JAKMIP2: variants seen among roughly 807,000 people sequenced by gnomAD.
JAKMIP2 encodes janus kinase and microtubule interacting protein 2, also known as janus kinase and microtubule-interacting protein 2.
In JAKMIP2, 25 loss-of-function variants were observed where a neutral mutation model predicts 115.0. The observed-to-expected ratio is 0.22, with a 90% CI of 0.16 to 0.30. The LOEUF (loss-of-function observed/expected upper bound fraction) is 0.30, where lower values mean the gene tolerates loss of function less well. Ranked by LOEUF, JAKMIP2 falls within the 10% of genes least tolerant of loss-of-function variation. The pLI is 1.00. For synonymous variants in JAKMIP2, 334 were observed against 343.6 expected, an observed-to-expected ratio of 0.97 and a Z score of 0.31; for missense variants, 642 against 957.6, an observed-to-expected ratio of 0.67 and a Z score of 4.35.
intron 1 of JAKMIP2, among the ~76,000 whole-genome samples, chr5:147,678,782 T>G (rs976312299): frequency 8.6e-5 from 13 of 152,036 alleles, no homozygotes; most frequent in African/African-American, 3.1e-4. Flanking sequence ...TCTTATGTAC[T>G]TCATTTATGT....
chr5:147,667,642 G>A (rs1178638010), intron 2 of JAKMIP2, among the ~76,000 whole-genome samples: 1 of 152,218 alleles, frequency 6.6e-6, no homozygotes, highest in East Asian at 1.9e-4. Flanking sequence ...GAGAAGAGGT[G>A]TGAAGGAGTC....
chr5:147,639,002 G>A lies in JAKMIP2; in HGVS notation c.1530+630C>T, dbSNP rs115210705. Among the ~76,000 whole-genome samples the A allele has an allele frequency of 7.3e-3, 1,114 of 152,224 alleles. 11 individuals carry two copies. Among genetic ancestry groups the A allele is most frequent in the African/African-American group, 0.026 (1,060 of 41,542 alleles). On this transcript the variant is annotated intron_variant, in intron 10 of 21. Transcript: ENST00000616793. ...AATATTAAGAATTAGTATAGTACAT[G>A]TCTATCTTTTCTTTTTGTTGAAATA...
chr5:147,671,779 C>T lies in JAKMIP2; in HGVS notation c.28G>A (p.Glu10Lys), dbSNP rs932451312. The T allele has an allele frequency of 6.9e-6, 11 of 1,588,332 alleles. No individual in the cohort carries two copies. The highest frequency in any genetic ancestry group is 8.6e-6 in the Non-Finnish European group (10 of 1,166,794). Reference sequence around the variant, plus strand: ...GCAACAATGAGTGCCTCGGGCTTCTCGCCCTTATTTCGCCCTTTCTTGGAC... The same window carrying T: ...GCAACAATGAGTGCCTCGGGCTTCTTGCCCTTATTTCGCCCTTTCTTGGAC... Reference protein sequence around the residue: MSKKGRNKGEKPEALIVALQ... With the variant: MSKKGRNKGKKPEALIVALQ... The change falls in exon 2 of 22, where the codon GAG (glutamate) becomes AAG (lysine). Residue 10 changes from glutamate to lysine, a missense_variant. Physicochemically the swap from Glu to Lys is moderately conservative, Grantham distance 56 (BLOSUM62 1). Transcript: ENST00000616793.
chr5:147,718,659 T>C (rs1336338353), intron 1 of JAKMIP2, among the ~76,000 whole-genome samples: 2 of 152,170 alleles, frequency 1.3e-5, no homozygotes, highest in Admixed American at 1.3e-4. Flanking sequence ...TATTCTCTGA[T>C]GGTAGTTTGT....
intron 2 of JAKMIP2, among the ~76,000 whole-genome samples, chr5:147,667,012 T>C (rs1225086741): frequency 6.6e-6 from 1 of 152,132 alleles, no homozygotes; most frequent in Non-Finnish European, 1.5e-5. Flanking sequence ...AGACTAACAT[T>C]ACTATATTAC....
intron 21 of JAKMIP2, chr5:147,595,389 C>G: frequency 4.4e-6 from 2 of 455,560 alleles, no homozygotes; most frequent in South Asian, 3.1e-5. Flanking sequence ...AACTTAGGCT[C>G]TTTTGCCCCT....
At chr5:147,594,934 G>A (rs1179616314) in intron 21 of JAKMIP2, among the ~76,000 whole-genome samples, 1 of 152,118 alleles carries the variant, frequency 6.6e-6, no homozygotes, top group Non-Finnish European at 1.5e-5. Flanking sequence ...GAAGCTGGAG[G>A]ATCAGGGAAA....
At chr5:147,618,172 G>T in intron 18 of JAKMIP2, 58 bp from the exon 19 acceptor site, 1 of 986,064 alleles carries the variant, frequency 1.0e-6, no homozygotes, top group Non-Finnish European at 1.5e-6. Flanking sequence ...ATCTGGTGTG[G>T]GAGTGTATGC....
chr5:147,638,849 G>C (rs1218137113), intron 10 of JAKMIP2, among the ~76,000 whole-genome samples: 1 of 151,894 alleles, frequency 6.6e-6, no homozygotes, highest in South Asian at 2.1e-4. Flanking sequence ...CTTCTACTAA[G>C]CTATTATTTC....
At chr5:147,603,032 G>A (rs1354398871) in intron 20 of JAKMIP2, among the ~76,000 whole-genome samples, 2 of 152,094 alleles carry the variant, frequency 1.3e-5, no homozygotes, top group South Asian at 2.1e-4. Context: ...AGTAATGGAC[G>A]AATTCCCATT....
intron 1 of JAKMIP2, among the ~76,000 whole-genome samples, chr5:147,762,213 G>A (rs551121426): frequency 3.3e-5 from 5 of 152,002 alleles, no homozygotes; most frequent in Non-Finnish European, 7.4e-5. Context: ...ATATTTTTTA[G>A]TTACCTCCTT....
At chr5:147,698,120 GA>G (rs1377793999) in intron 1 of JAKMIP2, among the ~76,000 whole-genome samples, 28 of 152,210 alleles carry the variant, frequency 1.8e-4, no homozygotes, top group African/African-American at 1.7e-4. Context: ...AGTGTGACCT[GA>G]ATGTGAGATA....
At chr5:147,744,812 C>G (rs1452844948) in intron 1 of JAKMIP2, among the ~76,000 whole-genome samples, 1 of 152,032 alleles carries the variant, frequency 6.6e-6, no homozygotes, top group Non-Finnish European at 1.5e-5. Flanking sequence ...GTAATCCCAG[C>G]ACTTTGGGAG....
intron 4 of JAKMIP2, 140 bp downstream of exon 4, chr5:147,650,198 A>G: frequency 1.6e-6 from 1 of 636,688 alleles, no homozygotes; most frequent in Non-Finnish European, 2.8e-6. Context: ...CCCTGTTCTC[A>G]AGATACTAGC....
At chr5:147,675,076 C>A (rs551006147) in intron 1 of JAKMIP2, among the ~76,000 whole-genome samples, 1 of 152,138 alleles carries the variant, frequency 6.6e-6, no homozygotes, top group Admixed American at 6.5e-5. Flanking sequence ...ATGAGTTCTA[C>A]AGAATTGCTT....
chr5:147,728,655 A>C (rs1753610751), intron 1 of JAKMIP2, among the ~76,000 whole-genome samples: 1 of 152,238 alleles, frequency 6.6e-6, no homozygotes, highest in South Asian at 2.1e-4. Context: ...ATTGTCAGAA[A>C]AACAAAAACT....
chr5:147,718,296 G>A (rs1753102340), intron 1 of JAKMIP2, among the ~76,000 whole-genome samples: 1 of 149,830 alleles, frequency 6.7e-6, no homozygotes, highest in East Asian at 2.0e-4. Context: ...AAGGATATTG[G>A]TCTAAAATTC....
intron 20 of JAKMIP2, among the ~76,000 whole-genome samples, chr5:147,610,433 C>A (rs1368176434): frequency 6.6e-6 from 1 of 152,186 alleles, no homozygotes; most frequent in South Asian, 2.1e-4. Context: ...TTCTAACAGT[C>A]AGGCCCCTCT....
Position 147,629,730 on chromosome 5 carries a change from T to A in JAKMIP2, c.1892A>T (p.Asp631Val), listed in dbSNP as rs1180443582. 1.2e-6 allele frequency: 2 copies of A among 1,612,476 alleles called. No homozygotes were observed. Among genetic ancestry groups the A allele is most frequent in the Admixed American group, 1.7e-5 (1 of 59,934 alleles). The part of the protein sequence containing the change: ...KEGVKDVNIP[D>V]LIKQLDILGD... The stretch of plus-strand genomic sequence containing the variant: ...CAAGATATCAAGCTGCTTTATGAGA[T>A]CAGGGATGTTCACATCCTGCAAAAT... Residue 631 changes from aspartate (D) to valine (V), a missense_variant, in exon 15 of 22, where the codon GAT becomes GTT. This residue lies in a region of JAKMIP2 where 103 missense variants were observed against 177.6 expected (regional missense o/e 0.58). Coordinates refer to ENST00000616793, the MANE Select transcript of JAKMIP2 (RefSeq NM_001270941.2).
Sources: allele counts gnomAD v4.1 joint callset (sites outside exome capture counted in the v4.1 genomes callset), GRCh38; gene constraint gnomAD v4.1.1; regional missense constraint gnomAD v4.1.1; transcripts MANE v1.5; gene names NCBI Gene and HGNC (gene_info 2026-07-23, HGNC 2026-07-21).